ADAM2: variants seen among roughly 807,000 people sequenced by gnomAD.
ADAM2 encodes ADAM metallopeptidase domain 2.
A neutral mutation model predicts 99.3 loss-of-function variants in ADAM2; 101 were observed. The observed-to-expected ratio is 1.02, with a 90% CI of 0.87 to 1.20. The LOEUF (loss-of-function observed/expected upper bound fraction) is 1.20, where lower values mean the gene tolerates loss of function less well. Ranked by LOEUF, ADAM2 falls within the 50% of genes most tolerant of loss-of-function variation. The probability of loss-of-function intolerance (pLI) is 0.00; values close to 1 mark genes in which losing one functional copy is unlikely to be tolerated. For missense variants in ADAM2, 948 were observed against 878.7 expected (o/e 1.08, Z -1.00); for synonymous variants, 323 against 287.6 (o/e 1.12, Z -1.25).
intron 4 of ADAM2, among the ~76,000 whole-genome samples, chr8:39,822,681 T>C (rs186831485): frequency 3.5e-4 from 54 of 152,284 alleles, no homozygotes; most frequent in African/African-American, 1.3e-3. Flanking sequence ...CAAATATAAG[T>C]ATTATTTGTC....
chr8:39,834,118 AAAAAT>A, intron 2 of ADAM2, 119 bp from the exon 3 acceptor site: 2 of 563,744 alleles, frequency 3.5e-6, no homozygotes, highest in South Asian at 5.3e-5. Context: ...TAAAAGGAGA[AAAAAT>A]AGAATTTAAT....
At chr8:39,782,543 T>C (rs540272181) in intron 10 of ADAM2, among the ~76,000 whole-genome samples, 3 of 152,248 alleles carry the variant, frequency 2.0e-5, no homozygotes, top group East Asian at 3.9e-4. Context: ...AGAAAAGTGC[T>C]TTAATTGGAG....
chr8:39,783,554 C>A (rs1414798367), intron 10 of ADAM2, among the ~76,000 whole-genome samples: 1 of 152,074 alleles, frequency 6.6e-6, no homozygotes, highest in African/African-American at 2.4e-5. Flanking sequence ...TGTCTCCCTC[C>A]CACTCCAAAT....
At chr8:39,750,617 T>C (rs1050048074) in intron 16 of ADAM2, among the ~76,000 whole-genome samples, 1 of 152,050 alleles carries the variant, frequency 6.6e-6, no homozygotes, top group Non-Finnish European at 1.5e-5. Flanking sequence ...TGAAATTGAG[T>C]GGTAGTGAGG....
chr8:39,746,345 A>C, intron 19 of ADAM2, 127 bp downstream of exon 19: 1 of 684,630 alleles, frequency 1.5e-6, no homozygotes, highest in South Asian at 2.5e-5. Flanking sequence ...TTAATATATG[A>C]GTTATTAAAT....
At position 39,782,849 on chromosome 8, in the gene ADAM2, T is replaced by C. The variant is rs1803291036; in HGVS notation, c.891+4125A>G. On this transcript the variant is annotated intron_variant, in intron 10 of 20. Transcript: ENST00000265708. ...TGAGCTTTGATGATTTTCTTCATTATATTTTGTATTTCATTGATAGCCAAT... is the reference window on the plus strand; with the variant it reads ...TGAGCTTTGATGATTTTCTTCATTACATTTTGTATTTCATTGATAGCCAAT... 2.6e-5 allele frequency among the ~76,000 whole-genome samples: 4 copies of C among 152,184 alleles called. No individual in the cohort carries two copies. The South Asian group carries it at 6.2e-4, about 24-fold the overall frequency.
chr8:39,790,331 C>A (rs2129585510), intron 7 of ADAM2, among the ~76,000 whole-genome samples: 1 of 151,996 alleles, frequency 6.6e-6, no homozygotes, highest in Non-Finnish European at 1.5e-5. Context: ...ACACAATAGG[C>A]TATTTTACAG....
chr8:39,761,941 G>A (rs1462222331), intron 14 of ADAM2, among the ~76,000 whole-genome samples: 2 of 152,060 alleles, frequency 1.3e-5, no homozygotes, highest in Non-Finnish European at 2.9e-5. Flanking sequence ...AAAATTAGCC[G>A]GGCATGGTGG....
At chr8:39,770,120 A>AT (rs1053800727) in intron 11 of ADAM2, among the ~76,000 whole-genome samples, 8 of 150,886 alleles carry the variant, frequency 5.3e-5, no homozygotes, top group Non-Finnish European at 7.4e-5. Flanking sequence ...TAATTTTTGT[A>AT]TTTTTTTTAG....
chr8:39,767,983 A>G (rs945896083), intron 12 of ADAM2, among the ~76,000 whole-genome samples: 1 of 152,068 alleles, frequency 6.6e-6, no homozygotes, highest in Non-Finnish European at 1.5e-5. Flanking sequence ...AAGAAATTTG[A>G]TAAATCACAA....
chr8:39,797,448 T>C (rs544901435), intron 7 of ADAM2, among the ~76,000 whole-genome samples: 72 of 152,338 alleles, frequency 4.7e-4, no homozygotes, highest in African/African-American at 1.6e-3. Context: ...TTGCTTACTG[T>C]AGCCTTGTAG....
chr8:39,815,990 A>G (rs888929475), intron 6 of ADAM2, among the ~76,000 whole-genome samples: 26 of 152,158 alleles, frequency 1.7e-4, no homozygotes, highest in African/African-American at 6.0e-4. Context: ...CTGGTAATAA[A>G]TGTTGAAAAA....
rs948334256 is a variant in ADAM2, at chr8:39,804,804, G to A, written c.570+4606C>T. Among the ~76,000 whole-genome samples the A allele has an allele frequency of 2.0e-5, 3 of 152,218 alleles. No homozygotes were observed. In the South Asian group the frequency reaches 6.2e-4, roughly 32 times the overall value. The stretch of plus-strand genomic sequence containing the variant: ...CATATTTTTGGCTTCTGAATGCATG[G>A]TATTTTGCATTCTGGTAAAGTGCAT... On this transcript the variant is annotated intron_variant, in intron 7 of 20. Transcript: ENST00000265708.
intron 10 of ADAM2, among the ~76,000 whole-genome samples, chr8:39,786,078 T>G (rs1803456596): frequency 6.6e-6 from 1 of 152,172 alleles, no homozygotes; most frequent in Non-Finnish European, 1.5e-5. Context: ...ATACTGCGTG[T>G]TCTCACTTAT....
rs1257869324 is a variant in ADAM2 at position 39,821,579 on chromosome 8, T to A, written c.344+7A>T. 1 of 1,569,420 alleles carries A rather than the reference T, an allele frequency of 6.4e-7. No homozygotes were observed. Among genetic ancestry groups the A allele is most frequent in the African/African-American group, 1.4e-5 (1 of 73,872 alleles). ...ATTTTGTAATTCATAAAACAGTAAA[T>A]TACAACCTGAGTCCAGTACATGTGC... On this transcript the variant is annotated splice_region_variant and intron_variant, in intron 5 of 20. Transcript: ENST00000265708.
At chr8:39,788,306 G>C (rs1387152043) in intron 8 of ADAM2, 55 bp from the exon 9 acceptor site, 4 of 1,153,274 alleles carry the variant, frequency 3.5e-6, no homozygotes, top group Non-Finnish European at 4.7e-6. Context: ...TTAAAAATTA[G>C]ATATATATGT....
At chr8:39,765,037 A>G (rs978421992) in intron 14 of ADAM2, among the ~76,000 whole-genome samples, 5 of 96,906 alleles carry the variant, frequency 5.2e-5, no homozygotes, top group African/African-American at 2.4e-4. Context: ...AAATAAATAA[A>G]TAAATAAATA....
intron 4 of ADAM2, among the ~76,000 whole-genome samples, chr8:39,823,017 T>C (rs1805260833): frequency 6.6e-6 from 1 of 152,208 alleles, no homozygotes; most frequent in Non-Finnish European, 1.5e-5. Context: ...TCTGCCCGCG[T>C]TGGCCTCCCA....
chr8:39,759,205 T>G (rs139508535), intron 15 of ADAM2, among the ~76,000 whole-genome samples: 2 of 152,254 alleles, frequency 1.3e-5, no homozygotes, highest in African/African-American at 2.4e-5. Context: ...GAAAATGGCA[T>G]GTACCTTTAA....
Sources: allele counts gnomAD v4.1 joint callset (sites outside exome capture counted in the v4.1 genomes callset), GRCh38; gene constraint gnomAD v4.1.1; transcripts MANE v1.5; gene names NCBI Gene and HGNC (gene_info 2026-07-23, HGNC 2026-07-21).